The following PDE10A variants were observed in gnomAD, a reference collection of about 807,000 sequenced individuals.
The protein encoded by PDE10A is cAMP and cAMP-inhibited cGMP 3',5'-cyclic phosphodiesterase 10A.
In PDE10A, 39 loss-of-function variants were observed where a neutral mutation model predicts 97.7. The ratio of observed to expected loss-of-function variants is 0.40; its 90% CI spans 0.31 to 0.52. The LOEUF is 0.52. Among genes scored for constraint, PDE10A ranks in the 20% least tolerant of loss-of-function variants. The pLI is 0.56. For synonymous variants in PDE10A, 371 were observed against 376.8 expected (o/e 0.98, Z 0.18); for missense variants, 731 against 1,047.8 (o/e 0.70, Z 4.17).
chr6:165,831,336 C>T (rs1779906114), intron 1 of PDE10A, among the ~76,000 whole-genome samples: 1 of 111,880 alleles, frequency 8.9e-6, no homozygotes, highest in Non-Finnish European at 1.7e-5. Context: ...CGCGCCACTG[C>T]ACTCCAGCCT....
intron 1 of PDE10A, among the ~76,000 whole-genome samples, chr6:165,594,959 C>T (rs757474547): frequency 8.5e-5 from 13 of 152,132 alleles, no homozygotes; most frequent in Non-Finnish European, 1.5e-4. Flanking sequence ...TATGATTATC[C>T]GCAATCTACA....
chr6:165,411,086 CAAAAAA>C (rs71026688), intron 13 of PDE10A, among the ~76,000 whole-genome samples: 13 of 43,078 alleles, frequency 3.0e-4, no homozygotes, highest in Non-Finnish European at 4.3e-4. Context: ...GACTCCGCCT[CAAAAAA>C]AAAAAAAAAA....
chr6:165,498,286 T>C (rs1167037203), intron 2 of PDE10A, among the ~76,000 whole-genome samples: 1 of 151,190 alleles, frequency 6.6e-6, no homozygotes, highest in Non-Finnish European at 1.5e-5. Context: ...GGCATGCACC[T>C]ATAGTCCTGG....
intron 1 of PDE10A, among the ~76,000 whole-genome samples, chr6:165,854,562 G>T (rs1481122746): frequency 6.6e-6 from 1 of 152,194 alleles, no homozygotes; most frequent in Admixed American, 6.5e-5. Flanking sequence ...GAGCTCCCAG[G>T]GCGGCACAGA....
chr6:165,676,311 A>G (rs1463693839), intron 1 of PDE10A, among the ~76,000 whole-genome samples: 1 of 152,212 alleles, frequency 6.6e-6, no homozygotes, highest in Non-Finnish European at 1.5e-5. Context: ...GGCCACACTA[A>G]AGTCCAGACT....
Position 165,707,430 on chromosome 6 carries a change from A to G in PDE10A, c.-614-163862T>C, listed in dbSNP as rs1007785626. Among the ~76,000 whole-genome samples the G allele has an allele frequency of 1.3e-5, 2 of 152,356 alleles. 1 individual carries two copies. On this transcript the variant is annotated intron_variant, in intron 1 of 19. Transcript: ENST00000366882. ...TGAGAGTCCAGCGTCTCTATCCCTCAGAGGCCTCACCTCAAGGTGTTGAGA... is the reference window on the plus strand; with the variant it reads ...TGAGAGTCCAGCGTCTCTATCCCTCGGAGGCCTCACCTCAAGGTGTTGAGA...
At chr6:165,801,585 C>T (rs1189607242) in intron 1 of PDE10A, among the ~76,000 whole-genome samples, 1 of 152,156 alleles carries the variant, frequency 6.6e-6, no homozygotes, top group Non-Finnish European at 1.5e-5. Flanking sequence ...TTTATCTTGC[C>T]ATAACGGACT....
intron 1 of PDE10A, chr6:165,775,008 A>C (rs146700155): frequency 3.2e-4 from 48 of 152,248 alleles, no homozygotes; most frequent in African/African-American, 1.1e-3. Flanking sequence ...TGTTTGGAAG[A>C]GAACCATCAG....
At chr6:165,394,766 G>T (rs1455088340) in intron 15 of PDE10A, among the ~76,000 whole-genome samples, 2 of 152,150 alleles carry the variant, frequency 1.3e-5, no homozygotes, top group Admixed American at 1.3e-4. Context: ...CATTCTAACT[G>T]GCGTGAGATG....
At position 165,662,512 on chromosome 6, in the gene PDE10A, C is replaced by T. The variant is rs1337220978; in HGVS notation, c.300G>A (p.Leu100=). Residue 100 remains leucine (L), a synonymous_variant, in exon 1 of 22, where the codon TTG becomes TTA. Coordinates refer to ENST00000539869, the MANE Select transcript of PDE10A (RefSeq NM_001385079.1). ...GCGWVAARAP[L]ALAFSSRVPS... ...GGACCCGGGACGAGAAGGCGAGCGCCAAGGGAGCGCGGGCCGCGACCCAGC... is the reference window on the plus strand; with the variant it reads ...GGACCCGGGACGAGAAGGCGAGCGCTAAGGGAGCGCGGGCCGCGACCCAGC... 2.0e-5 allele frequency: 3 copies of T among 147,364 alleles called. No homozygotes were observed. The highest frequency in any genetic ancestry group is 4.1e-4 in the East Asian group (2 of 4,830). The allele number at this position is 147,364 out of a possible 1,614,324, so 9.1% of individuals were successfully genotyped here. A position where few individuals can be genotyped will look rare whatever the true frequency, so the allele number is the denominator to read the frequency against.
At chr6:165,816,451 C>T (rs955804437) in intron 1 of PDE10A, among the ~76,000 whole-genome samples, 6 of 152,194 alleles carry the variant, frequency 3.9e-5, no homozygotes, top group African/African-American at 7.2e-5. Flanking sequence ...AGAAAGGCCA[C>T]GGAGCAGTAG....
intron 18 of PDE10A, among the ~76,000 whole-genome samples, chr6:165,350,866 C>T (rs9459376): frequency 6.6e-6 from 1 of 152,094 alleles, no homozygotes; most frequent in African/African-American, 2.4e-5. Context: ...GTTTGCTTCC[C>T]CTTCCATCAT....
intron 1 of PDE10A, among the ~76,000 whole-genome samples, chr6:165,633,183 A>G (rs1008259729): frequency 1.1e-4 from 17 of 152,194 alleles, no homozygotes; most frequent in Admixed American, 3.9e-4. Context: ...TTAGACATCT[A>G]TAAGATGTAG....
rs536405178 is a variant in PDE10A at position 165,675,101 on chromosome 6, T to A, written c.-614-131533A>T. Among the ~76,000 whole-genome samples, 4 of 152,354 alleles carry A rather than the reference T, an allele frequency of 2.6e-5. No homozygotes were observed. In the East Asian group the frequency reaches 7.7e-4, roughly 29 times the overall value. On this transcript the variant is annotated intron_variant, in intron 1 of 19. Transcript: ENST00000366882. Reference sequence around the variant, plus strand: ...TGAAGACATCGCAATAATTTAATACTAGAAAATCAATAGTTTTGTCTATGC... The same window carrying A: ...TGAAGACATCGCAATAATTTAATACAAGAAAATCAATAGTTTTGTCTATGC...
chr6:165,575,988 C>T (rs1225446469), intron 1 of PDE10A, among the ~76,000 whole-genome samples: 9 of 152,214 alleles, frequency 5.9e-5, no homozygotes, highest in Non-Finnish European at 1.0e-4. Context: ...TCAGTAGTAT[C>T]AGATATTGTT....
chr6:165,389,158 G>A (rs1266895449), intron 16 of PDE10A, among the ~76,000 whole-genome samples: 1 of 152,094 alleles, frequency 6.6e-6, no homozygotes, highest in Non-Finnish European at 1.5e-5. Context: ...TGGGGTCGAG[G>A]GCAGGGGAAG....
At chr6:165,494,464 G>C (rs904369342) in intron 2 of PDE10A, among the ~76,000 whole-genome samples, 2 of 144,644 alleles carry the variant, frequency 1.4e-5, no homozygotes, top group African/African-American at 5.2e-5. Flanking sequence ...GTGGGGGGGG[G>C]TGTGTGTGTG....
intron 18 of PDE10A, among the ~76,000 whole-genome samples, chr6:165,363,542 AAAG>A (rs1783561153): frequency 6.6e-6 from 1 of 151,946 alleles, no homozygotes. Context: ...ACAGAAAAGA[AAAG>A]AAAGAAAGAA....
At chr6:165,964,617 G>A (rs1298765224) in intron 1 of PDE10A, among the ~76,000 whole-genome samples, 2 of 152,196 alleles carry the variant, frequency 1.3e-5, no homozygotes, top group Non-Finnish European at 2.9e-5. Flanking sequence ...CTATGTGCCA[G>A]CGAGCGTCCT....
Sources: gnomAD v4.1 joint callset for allele counts (sites outside exome capture counted in the v4.1 genomes callset) on GRCh38, gnomAD v4.1.1 for gene constraint, MANE v1.5 for transcripts, NCBI Gene and HGNC (gene_info 2026-07-23, HGNC 2026-07-21) for gene names.